The following PDK1 variants were observed in gnomAD, a reference collection of about 807,000 sequenced individuals.
PDK1 encodes [Pyruvate dehydrogenase (acetyl-transferring)] kinase isozyme 1, mitochondrial.
Under a neutral mutation model 54.2 loss-of-function variants are expected in PDK1, and 39 were observed. The observed-to-expected ratio is 0.72, with a 90% CI of 0.56 to 0.94. PDK1 has a LOEUF of 0.94. Among genes scored for constraint, PDK1 ranks in the 40% least tolerant of loss-of-function variants. PDK1 has a pLI of 0.00. For synonymous variants in PDK1, 221 were observed against 207.1 expected, an observed-to-expected ratio of 1.07 and a Z score of -0.58; for missense variants, 552 against 566.0, an observed-to-expected ratio of 0.98 and a Z score of 0.25.
the PDK1 span, among the ~76,000 whole-genome samples, chr2:172,686,857 G>T: frequency 6.6e-6 from 1 of 152,128 alleles, no homozygotes; most frequent in Non-Finnish European, 1.5e-5. Context: ...CTACCTATCT[G>T]CTATCTATCA....
chr2:172,657,578 T>C, the PDK1 span, among the ~76,000 whole-genome samples: 7 of 152,056 alleles, frequency 4.6e-5, no homozygotes, highest in Admixed American at 3.3e-4. Flanking sequence ...GTTAAAAGCA[T>C]GATACCCCAA....
intron 7 of PDK1, 118 bp from the exon 8 acceptor site, chr2:172,570,608 G>A (rs867386004): frequency 1.3e-5 from 7 of 519,498 alleles, no homozygotes; most frequent in South Asian, 7.6e-5. Flanking sequence ...TAAGAATTGT[G>A]ATTCTTTGGC....
chr2:172,570,626 C>T (rs760972721), intron 7 of PDK1, 100 bp from the exon 8 acceptor site: 14 of 560,640 alleles, frequency 2.5e-5, no homozygotes, highest in Non-Finnish European at 4.0e-5. Context: ...GGCATATTTC[C>T]ATCAAATTTT....
intron 10 of PDK1, among the ~76,000 whole-genome samples, chr2:172,595,360 G>A (rs547496513): frequency 3.9e-5 from 6 of 152,180 alleles, no homozygotes; most frequent in South Asian, 2.1e-4. Flanking sequence ...ATAAGCCACC[G>A]TGCCTGGCTT....
intron 3 of PDK1, chr2:172,564,199 A>G: frequency 2.1e-6 from 1 of 472,870 alleles, no homozygotes; most frequent in Non-Finnish European, 4.1e-6. Context: ...TGCTCAGATG[A>G]CCTTAGTTGA....
rs1691242224 is a variant in PDK1 at position 172,605,086 on chromosome 2, TG to T, written c.*9119del. 1 of 152,192 alleles carries T rather than the reference TG, an allele frequency of 6.6e-6. No individual in the cohort carries two copies. Among genetic ancestry groups the T allele is most frequent in the Non-Finnish European group, 1.5e-5 (1 of 68,040 alleles). 9.4% of individuals were successfully genotyped at this position (152,192 alleles called of 1,614,324 possible). A position where few individuals can be genotyped will look rare whatever the true frequency, so the allele number is the denominator to read the frequency against. ...CATTTTAAGAAGGAGGCACAGGGCT[TG>T]GTTGGCCCATTTAGTTAGTGACACA... On this transcript the variant is annotated 3_prime_UTR_variant, in exon 11 of 11. Coordinates refer to ENST00000282077, the MANE Select transcript of PDK1 (RefSeq NM_002610.5).
At position 172,600,818 on chromosome 2, in the gene PDK1, G is replaced by A. The variant is rs750209315; in HGVS notation, c.*4849G>A. The A allele has an allele frequency of 3.9e-5, 6 of 152,126 alleles. No homozygotes were observed. The highest frequency in any genetic ancestry group is 5.9e-5 in the Non-Finnish European group (4 of 68,040). The allele number at this position is 152,126 out of a possible 1,614,324, so 9.4% of individuals were successfully genotyped here. A position where few individuals can be genotyped will look rare whatever the true frequency, so the allele number is the denominator to read the frequency against. On this transcript the variant is annotated 3_prime_UTR_variant, in exon 11 of 11. Coordinates refer to ENST00000282077, the MANE Select transcript of PDK1 (RefSeq NM_002610.5). ...TCTTATCCCATTCCTTGACCACATA[G>A]GCTCTTAGACTCTTATTCTATGTTG...
the PDK1 span, among the ~76,000 whole-genome samples, chr2:172,690,476 CT>C: frequency 6.7e-6 from 1 of 150,218 alleles, no homozygotes; most frequent in Non-Finnish European, 1.5e-5. Flanking sequence ...AGAATTACCA[CT>C]TGACCCAGCA....
Position 172,556,310 on chromosome 2 carries a change from C to A in PDK1, c.160C>A (p.Pro54Thr). The stretch of plus-strand genomic sequence containing the variant: ...GGTGGACTTCTACGCGCGCTTCTCG[C>A]CGTCCCCGCTCTCCATGAAGCAGTT... The part of the protein sequence containing the change: ...GQVDFYARFS[P>T]SPLSMKQFLD... Residue 54 changes from proline to threonine, a missense_variant, in exon 1 of 11, where the codon CCG becomes ACG. By Grantham distance (38) the Pro-to-Thr change is conservative (BLOSUM62 -1). Transcript: ENST00000282077. 1 of 1,502,392 alleles carries A rather than the reference C, an allele frequency of 6.7e-7. No individual in the cohort carries two copies. Among genetic ancestry groups the A allele is most frequent in the Admixed American group, 2.4e-5 (1 of 40,820 alleles). The allele number at this position is 1,502,392 out of a possible 1,614,324, so 93.1% of individuals were successfully genotyped here. A position where few individuals can be genotyped will look rare whatever the true frequency, so the allele number is the denominator to read the frequency against.
the PDK1 span, among the ~76,000 whole-genome samples, chr2:172,697,529 G>C: frequency 1.3e-5 from 2 of 152,110 alleles, no homozygotes; most frequent in Admixed American, 1.3e-4. Flanking sequence ...TAGAATACAC[G>C]TGCTGAGCAG....
At chr2:172,711,899 C>G in the PDK1 span, among the ~76,000 whole-genome samples, 1 of 134,360 alleles carries the variant, frequency 7.4e-6, no homozygotes, top group Non-Finnish European at 1.6e-5. Context: ...AAAAAGAGTT[C>G]CCTTTGCTCA....
the PDK1 span, chr2:172,691,253 T>TA: frequency 6.6e-6 from 1 of 150,492 alleles, no homozygotes; most frequent in South Asian, 2.1e-4. Context: ...GTACATTCGT[T>TA]ACAATTGATA....
the PDK1 span, among the ~76,000 whole-genome samples, chr2:172,679,381 AG>A: frequency 6.6e-6 from 1 of 152,066 alleles, no homozygotes; most frequent in East Asian, 1.9e-4. Flanking sequence ...CAGGAGTTTG[AG>A]GCTGCAGTGA....
intron 9 of PDK1, among the ~76,000 whole-genome samples, chr2:172,587,964 G>A (rs1275497792): frequency 2.0e-5 from 3 of 152,042 alleles, no homozygotes; most frequent in Non-Finnish European, 4.4e-5. Flanking sequence ...GTATGTTTAC[G>A]ATCCTTTAGC....
At chr2:172,647,861 C>T in the PDK1 span, among the ~76,000 whole-genome samples, 55 of 152,276 alleles carry the variant, frequency 3.6e-4, no homozygotes, top group South Asian at 6.2e-4. Flanking sequence ...AACAAAGAAA[C>T]GCAGCAGACA....
At position 172,562,820 on chromosome 2, in the gene PDK1, T is replaced by C; in HGVS notation, c.410+529T>C. ...GATGATGTAAGTAATATGACAATGT[T>C]AATAACCCATATACCAGAATTGGTA... On this transcript the variant is annotated intron_variant, in intron 3 of 10. Transcript: ENST00000282077. 5 of 1,609,232 alleles carry C rather than the reference T, an allele frequency of 3.1e-6. No homozygotes were observed. The South Asian group carries it at 4.4e-5, about 14-fold the overall frequency.
chr2:172,637,870 G>C, the PDK1 span, among the ~76,000 whole-genome samples: 2 of 151,986 alleles, frequency 1.3e-5, no homozygotes, highest in Admixed American at 1.3e-4. Flanking sequence ...TAATTTTCTT[G>C]TATTTTTAGT....
At chr2:172,634,711 A>G in the PDK1 span, among the ~76,000 whole-genome samples, 106 of 152,024 alleles carry the variant, frequency 7.0e-4, no homozygotes, top group Admixed American at 2.8e-3. Flanking sequence ...ATGTTCAGGT[A>G]CAAAGAATTC....
At chr2:172,684,963 T>C in the PDK1 span, among the ~76,000 whole-genome samples, 5 of 152,166 alleles carry the variant, frequency 3.3e-5, no homozygotes, top group Non-Finnish European at 5.9e-5. Flanking sequence ...CCTCATGCTG[T>C]TCTTGTGATA....
Sources: gnomAD v4.1 joint callset for allele counts (sites outside exome capture counted in the v4.1 genomes callset) on GRCh38, gnomAD v4.1.1 for gene constraint, MANE v1.5 for transcripts, NCBI Gene and HGNC (gene_info 2026-07-23, HGNC 2026-07-21) for gene names.